The following YEATS2 variants were observed in gnomAD, a reference collection of about 807,000 sequenced individuals.
YEATS2 encodes YEATS domain containing 2, also known as YEATS domain-containing protein 2.
In YEATS2, 77 loss-of-function variants were observed where a neutral mutation model predicts 163.2. That is an observed-to-expected ratio of 0.47 (90% CI 0.39 to 0.57). The LOEUF (loss-of-function observed/expected upper bound fraction) is 0.57. Ranked by LOEUF, YEATS2 falls within the 20% of genes least tolerant of loss-of-function variation. The pLI is 0.00. For synonymous variants in YEATS2, 631 were observed against 645.1 expected, an observed-to-expected ratio of 0.98 and a Z score of 0.33; for missense variants, 1,549 against 1,729.8, an observed-to-expected ratio of 0.90 and a Z score of 1.85.
At chr3:183,798,652 C>G (rs997647205) in intron 22 of YEATS2, among the ~76,000 whole-genome samples, 1 of 152,174 alleles carries the variant, frequency 6.6e-6, no homozygotes, top group African/African-American at 2.4e-5. Context: ...CTGCCCCTGG[C>G]CTGGATTGTT....
chr3:183,730,622 C>T (rs1717687817), intron 7 of YEATS2, among the ~76,000 whole-genome samples: 1 of 152,030 alleles, frequency 6.6e-6, no homozygotes, highest in African/African-American at 2.4e-5. Context: ...CCTTTCCCTG[C>T]CAAGGGTGAC....
At chr3:183,748,329 A>G (rs1314088923) in intron 9 of YEATS2, among the ~76,000 whole-genome samples, 1 of 144,122 alleles carries the variant, frequency 6.9e-6, no homozygotes, top group Non-Finnish European at 1.5e-5. Flanking sequence ...ATCTTGGCTC[A>G]CTGCAACCTC....
At chr3:183,796,063 A>C (rs1367395522) in intron 21 of YEATS2, among the ~76,000 whole-genome samples, 1 of 138,866 alleles carries the variant, frequency 7.2e-6, no homozygotes, top group African/African-American at 2.7e-5. Flanking sequence ...GCCTACTGAA[A>C]CCTCCGCCTC....
At position 183,724,273 on chromosome 3, in the gene YEATS2, CT is replaced by C; in HGVS notation, c.538-143del. On this transcript the variant is annotated intron_variant, in intron 5 of 30. Coordinates refer to ENST00000305135, the MANE Select transcript of YEATS2 (RefSeq NM_018023.5). Reference sequence around the variant, plus strand: ...AGCATTTATAGTAACTTTTTTAATGCTTTGAGAGGTGCTACAAAGCCAGAAA... The same window carrying C: ...AGCATTTATAGTAACTTTTTTAATGCTTGAGAGGTGCTACAAAGCCAGAAA... 3 of 596,072 alleles carry C rather than the reference CT, an allele frequency of 5.0e-6. No homozygotes were observed. The South Asian group carries it at 6.6e-5, about 13-fold the overall frequency. 36.9% of individuals were successfully genotyped at this position (596,072 alleles called of 1,614,324 possible).
At chr3:183,701,041 GTA>G (rs1013326299) in intron 1 of YEATS2, among the ~76,000 whole-genome samples, 14 of 144,650 alleles carry the variant, frequency 9.7e-5, no homozygotes, top group African/African-American at 1.8e-4. Flanking sequence ...ACTGGTGTGT[GTA>G]TATATATATG....
intron 15 of YEATS2, among the ~76,000 whole-genome samples, chr3:183,763,839 G>A (rs1251210361): frequency 1.3e-5 from 2 of 152,000 alleles, no homozygotes; most frequent in Non-Finnish European, 1.5e-5. Flanking sequence ...AGTCCAAGGC[G>A]GACAGATCAC....
chr3:183,765,177 T>C (rs1017672338), intron 15 of YEATS2, among the ~76,000 whole-genome samples: 9 of 152,198 alleles, frequency 5.9e-5, no homozygotes, highest in African/African-American at 1.9e-4. Context: ...AAATCAGTTA[T>C]TGTCATCTGA....
At chr3:183,740,984 G>C (rs1358573977) in intron 8 of YEATS2, among the ~76,000 whole-genome samples, 4 of 152,040 alleles carry the variant, frequency 2.6e-5, no homozygotes, top group Non-Finnish European at 4.4e-5. Flanking sequence ...TGTGACCCAC[G>C]CTGAAGTATA....
At chr3:183,726,023 T>C (rs1717058082) in intron 6 of YEATS2, among the ~76,000 whole-genome samples, 1 of 152,186 alleles carries the variant, frequency 6.6e-6, no homozygotes, top group African/African-American at 2.4e-5. Context: ...CCATTTGTGT[T>C]AATACTTGGG....
In YEATS2 at chr3:183,801,373, T is replaced by C. The variant is rs1328301948; in HGVS notation, c.3429-82T>C. On this transcript the variant is annotated intron_variant, in intron 24 of 30. Coordinates refer to ENST00000305135, the MANE Select transcript of YEATS2 (RefSeq NM_018023.5). Reference sequence around the variant, plus strand: ...ATTCCCTCAGAACGGAATATATCCATTAAGTACATGGCATATATATGGCTA... The same window carrying C: ...ATTCCCTCAGAACGGAATATATCCACTAAGTACATGGCATATATATGGCTA... 4 of 919,670 alleles carry C rather than the reference T, an allele frequency of 4.3e-6. No individual in the cohort carries two copies. The African/African-American group carries it at 5.1e-5, about 12-fold the overall frequency. The allele number at this position is 919,670 out of a possible 1,614,324, so 57.0% of individuals were successfully genotyped here.
intron 9 of YEATS2, among the ~76,000 whole-genome samples, chr3:183,750,141 T>C (rs571688913): frequency 6.6e-6 from 1 of 152,256 alleles, no homozygotes; most frequent in Admixed American, 6.5e-5. Flanking sequence ...TTATTTTTTG[T>C]AGAGACAGGG....
rs1231400411 is a variant in YEATS2 at position 183,800,463 on chromosome 3, T to G, written c.3326-3T>G. ...CTGCCTCTTTGTTGCTCTTCCCTTGTAGTGAAGACTGAACCAGAAACACCT... is the reference window on the plus strand; with the variant it reads ...CTGCCTCTTTGTTGCTCTTCCCTTGGAGTGAAGACTGAACCAGAAACACCT... On this transcript the variant is annotated splice_region_variant and splice_polypyrimidine_tract_variant and intron_variant, in intron 23 of 30. Transcript: ENST00000305135. 1 of 1,609,258 alleles carries G rather than the reference T, an allele frequency of 6.2e-7. No homozygotes were observed. Among genetic ancestry groups the G allele is most frequent in the Non-Finnish European group, 8.5e-7 (1 of 1,175,876 alleles).
At chr3:183,758,308 G>A (rs2109327669) in intron 12 of YEATS2, among the ~76,000 whole-genome samples, 1 of 152,198 alleles carries the variant, frequency 6.6e-6, no homozygotes, top group South Asian at 2.1e-4. Flanking sequence ...AGTGAGCCGA[G>A]ATCAGGCAAC....
chr3:183,763,914 A>G lies in YEATS2; in HGVS notation c.1947+1635A>G, dbSNP rs140318996. 2.4e-3 allele frequency among the ~76,000 whole-genome samples: 368 copies of G among 152,210 alleles called. 2 individuals are homozygous for G. Among genetic ancestry groups the G allele is most frequent in the African/African-American group, 8.6e-3 (357 of 41,558 alleles). On this transcript the variant is annotated intron_variant, in intron 15 of 30. Transcript: ENST00000305135. ...GAAACCCCATCTCTACTAAAAATAC[A>G]AAAACCGAGCGTGGTGGGTGGCATG...
At chr3:183,726,959 A>G (rs112402612) in intron 6 of YEATS2, among the ~76,000 whole-genome samples, 34 of 152,140 alleles carry the variant, frequency 2.2e-4, no homozygotes, top group African/African-American at 7.7e-4. Flanking sequence ...GCACCGCCAC[A>G]CCTGGATAAT....
intron 15 of YEATS2, among the ~76,000 whole-genome samples, chr3:183,769,618 TCTGCTTACCGAAAC>T (rs1382911142): frequency 6.6e-6 from 1 of 152,240 alleles, no homozygotes; most frequent in East Asian, 1.9e-4. Context: ...ACCAGATCTG[TCTGCTTACCGAAAC>T]CTGCACTGTT....
At chr3:183,714,296 C>T (rs535041013) in intron 1 of YEATS2, among the ~76,000 whole-genome samples, 46 of 149,902 alleles carry the variant, frequency 3.1e-4, no homozygotes, top group African/African-American at 1.0e-3. Flanking sequence ...CCTGGGTTCA[C>T]GCCATTTTCC....
At chr3:183,759,079 C>A in intron 13 of YEATS2, 114 bp downstream of exon 13, 1 of 690,670 alleles carries the variant, frequency 1.4e-6, no homozygotes, top group Non-Finnish European at 2.3e-6. Context: ...CTGTATCGAA[C>A]TCCTGGCCTC....
intron 9 of YEATS2, among the ~76,000 whole-genome samples, chr3:183,748,398 C>T (rs1267102475): frequency 2.0e-5 from 3 of 150,948 alleles, no homozygotes; most frequent in African/African-American, 7.3e-5. Context: ...ACTACAGGCA[C>T]GCGCCACCAC....
Sources: allele counts gnomAD v4.1 joint callset (sites outside exome capture counted in the v4.1 genomes callset), GRCh38; gene constraint gnomAD v4.1.1; transcripts MANE v1.5; gene names NCBI Gene and HGNC (gene_info 2026-07-23, HGNC 2026-07-21).